Variants in MYO3A observed in about 807,000 individuals in gnomAD.
MYO3A encodes the protein myosin IIIA.
A neutral mutation model predicts 192.7 loss-of-function variants in MYO3A; 180 were observed. That is an observed-to-expected ratio of 0.93 (90% CI 0.83 to 1.06). The LOEUF (loss-of-function observed/expected upper bound fraction) is 1.06. Among genes scored for constraint, MYO3A ranks in the 50% least tolerant of loss-of-function variants. MYO3A has a pLI of 0.00. For synonymous variants in MYO3A, 628 were observed against 645.3 expected (o/e 0.97, Z 0.41); for missense variants, 1,896 against 1,905.0 (o/e 1.00, Z 0.09).
intron 31 of MYO3A, among the ~76,000 whole-genome samples, chr10:26,183,055 A>G (rs964593210): frequency 2.0e-5 from 3 of 152,204 alleles, no homozygotes; most frequent in African/African-American, 7.2e-5. Context: ...GGAAAATGAC[A>G]GAAGTGGAGT....
intron 7 of MYO3A, among the ~76,000 whole-genome samples, chr10:26,019,559 G>C (rs1357434722): frequency 2.0e-5 from 3 of 152,144 alleles, no homozygotes; most frequent in Admixed American, 2.0e-4. Flanking sequence ...CTTGTGATCC[G>C]CCTGTCTTGG....
At chr10:26,187,606 A>G (rs1842926328) in intron 31 of MYO3A, among the ~76,000 whole-genome samples, 1 of 150,746 alleles carries the variant, frequency 6.6e-6, no homozygotes, top group Admixed American at 6.6e-5. Flanking sequence ...TTGTCATTTA[A>G]CATTAGGTAT....
chr10:25,946,302 T>G (rs1836824909), intron 2 of MYO3A, among the ~76,000 whole-genome samples: 1 of 152,206 alleles, frequency 6.6e-6, no homozygotes, highest in Non-Finnish European at 1.5e-5. Flanking sequence ...CATCCATTTT[T>G]GTTTATCTGG....
At chr10:26,119,935 C>A (rs182795408) in intron 17 of MYO3A, among the ~76,000 whole-genome samples, 1 of 151,174 alleles carries the variant, frequency 6.6e-6, no homozygotes, top group African/African-American at 2.4e-5. Flanking sequence ...GTGGGCAGAT[C>A]GCTTGAGCCC....
chr10:25,966,977 C>T (rs1281939384), intron 4 of MYO3A, among the ~76,000 whole-genome samples: 1 of 152,102 alleles, frequency 6.6e-6, no homozygotes, highest in Admixed American at 6.5e-5. Flanking sequence ...ACTACAATTA[C>T]CTCATCATTA....
rs763544427 is a variant in MYO3A at position 26,125,574 on chromosome 10, A to T, written c.2080A>T (p.Ile694Phe). 3 of 1,614,070 alleles carry T rather than the reference A, an allele frequency of 1.9e-6. No homozygotes were observed. The highest frequency in any genetic ancestry group is 2.5e-6 in the Non-Finnish European group (3 of 1,179,898). ...GRLFSWIVNC[I>F]NSLLKHDSSP... Reference sequence around the variant, plus strand: ...TCTCTTTAGTTGGATAGTCAATTGCATTAACAGTTTGTTGAAGCATGACTC... The same window carrying T: ...TCTCTTTAGTTGGATAGTCAATTGCTTTAACAGTTTGTTGAAGCATGACTC... The change falls in exon 19 of 35, where the codon ATT becomes TTT. Residue 694 changes from isoleucine to phenylalanine, a missense_variant. Physicochemically the swap from Ile to Phe is conservative, Grantham distance 21. Coordinates refer to ENST00000642920, the MANE Select transcript of MYO3A (RefSeq NM_017433.5).
intron 2 of MYO3A, among the ~76,000 whole-genome samples, chr10:25,947,120 C>CTT (rs1453275836): frequency 6.6e-6 from 1 of 151,208 alleles, no homozygotes; most frequent in Admixed American, 6.6e-5. Context: ...GTTCTTTTTT[C>CTT]TTTTTGCCCT....
At chr10:26,177,804 C>T (rs1353657435) in intron 31 of MYO3A, among the ~76,000 whole-genome samples, 2 of 152,240 alleles carry the variant, frequency 1.3e-5, no homozygotes, top group African/African-American at 4.8e-5. Flanking sequence ...CCTCATGCAA[C>T]TTCTAATTTC....
chr10:26,101,415 A>G (rs1837445142), intron 17 of MYO3A, among the ~76,000 whole-genome samples: 1 of 152,130 alleles, frequency 6.6e-6, no homozygotes, highest in Non-Finnish European at 1.5e-5. Context: ...TAATATTGTT[A>G]TGTGTGAATT....
At chr10:26,189,467 A>G (rs908769831) in intron 31 of MYO3A, among the ~76,000 whole-genome samples, 1 of 152,252 alleles carries the variant, frequency 6.6e-6, no homozygotes. Flanking sequence ...GCTTCATGAA[A>G]GAGATAGGAT....
At chr10:26,110,525 A>T (rs1345889510) in intron 17 of MYO3A, among the ~76,000 whole-genome samples, 3 of 152,144 alleles carry the variant, frequency 2.0e-5, no homozygotes, top group Non-Finnish European at 4.4e-5. Context: ...TAAGCAGCAA[A>T]GGTTGTCAGG....
intron 10 of MYO3A, among the ~76,000 whole-genome samples, chr10:26,050,571 G>A (rs1359083379): frequency 2.0e-5 from 3 of 152,134 alleles, no homozygotes; most frequent in South Asian, 2.1e-4. Flanking sequence ...TAAGCTAAGC[G>A]TGGAGTGAAG....
chr10:26,159,608 T>C (rs968520762), intron 26 of MYO3A, among the ~76,000 whole-genome samples: 1 of 152,122 alleles, frequency 6.6e-6, no homozygotes, highest in African/African-American at 2.4e-5. Flanking sequence ...CTTGATCTCC[T>C]GACCTCGTGA....
intron 11 of MYO3A, among the ~76,000 whole-genome samples, chr10:26,067,832 C>A (rs1463183901): frequency 7.5e-6 from 1 of 133,076 alleles, no homozygotes; most frequent in East Asian, 2.0e-4. Flanking sequence ...CTGATGAACA[C>A]CTTTTTATTT....
intron 32 of MYO3A, among the ~76,000 whole-genome samples, chr10:26,195,713 C>T (rs1469876684): frequency 6.6e-6 from 1 of 152,196 alleles, no homozygotes; most frequent in Non-Finnish European, 1.5e-5. Flanking sequence ...AACACACATC[C>T]TCTTCCCCTT....
chr10:26,027,973 C>T (rs539719316), intron 10 of MYO3A, among the ~76,000 whole-genome samples: 29 of 152,276 alleles, frequency 1.9e-4, no homozygotes, highest in African/African-American at 7.0e-4. Flanking sequence ...TATAATTTCA[C>T]TTTATTCTTG....
intron 4 of MYO3A, among the ~76,000 whole-genome samples, chr10:25,966,118 A>G (rs1838250710): frequency 6.6e-6 from 1 of 151,942 alleles, no homozygotes; most frequent in East Asian, 1.9e-4. Context: ...GGACTGGGAT[A>G]ATGGGTGGAA....
chr10:26,178,821 A>G (rs1842460818), intron 31 of MYO3A, among the ~76,000 whole-genome samples: 1 of 151,518 alleles, frequency 6.6e-6, no homozygotes, highest in South Asian at 2.1e-4. Flanking sequence ...TTTATTTTTG[A>G]GACAGAGTCT....
Position 26,102,902 on chromosome 10 carries a change from G to A in MYO3A, c.1776+6220G>A, listed in dbSNP as rs183137054. 3.3e-5 allele frequency among the ~76,000 whole-genome samples: 5 copies of A among 152,292 alleles called. No individual in the cohort carries two copies. The East Asian group carries it at 5.8e-4, about 18-fold the overall frequency. The stretch of plus-strand genomic sequence containing the variant: ...ATTCTCAGATCTCAAACTCCGTGCT[G>A]GGAGAACCACTACTCTCTTCAAAGC... On this transcript the variant is annotated intron_variant, in intron 17 of 34. Coordinates refer to ENST00000642920, the MANE Select transcript of MYO3A (RefSeq NM_017433.5).
Sources: gnomAD v4.1 joint callset for allele counts (sites outside exome capture counted in the v4.1 genomes callset) on GRCh38, gnomAD v4.1.1 for gene constraint, MANE v1.5 for transcripts, NCBI Gene and HGNC (gene_info 2026-07-23, HGNC 2026-07-21) for gene names.